ERICH3: variants seen among roughly 807,000 people sequenced by gnomAD.
ERICH3 encodes the protein glutamate rich 3.
ERICH3 carries 126 observed loss-of-function variants against 131.1 expected under a neutral mutation model. That is an observed-to-expected ratio of 0.96 (90% CI 0.83 to 1.11). The LOEUF (loss-of-function observed/expected upper bound fraction) is 1.11. Ranked by LOEUF, ERICH3 falls within the 50% of genes most tolerant of loss-of-function variation. The pLI, the probability that ERICH3 is intolerant of heterozygous loss-of-function variation, is 0.00. For synonymous variants in ERICH3, 695 were observed against 644.6 expected, an observed-to-expected ratio of 1.08 and a Z score of -1.18; for missense variants, 2,050 against 1,810.7, an observed-to-expected ratio of 1.13 and a Z score of -2.40.
chr1:74,597,212 T>C (rs1647892588), intron 11 of ERICH3, among the ~76,000 whole-genome samples: 1 of 151,998 alleles, frequency 6.6e-6, no homozygotes, highest in African/African-American at 2.4e-5. Flanking sequence ...AAATCTCTAA[T>C]GCTGACACTC....
chr1:74,658,102 G>A (rs1430393796), intron 1 of ERICH3, among the ~76,000 whole-genome samples: 1 of 152,138 alleles, frequency 6.6e-6, no homozygotes, highest in Non-Finnish European at 1.5e-5. Context: ...GTTAACAGAT[G>A]TAGAGTGGTT....
chr1:74,576,434 C>T (rs1039907690), intron 13 of ERICH3, among the ~76,000 whole-genome samples: 9 of 152,080 alleles, frequency 5.9e-5, no homozygotes, highest in East Asian at 5.8e-4. Context: ...TAAGTCAGCC[C>T]GCTGCACAAT....
intron 1 of ERICH3, among the ~76,000 whole-genome samples, chr1:74,670,956 C>T (rs772151530): frequency 6.4e-4 from 98 of 152,196 alleles, no homozygotes; most frequent in African/African-American, 2.1e-3. Context: ...CTGTCTTATG[C>T]GGTTGAGATA....
chr1:74,663,358 A>T (rs894225098), intron 1 of ERICH3, among the ~76,000 whole-genome samples: 1 of 152,186 alleles, frequency 6.6e-6, no homozygotes, highest in African/African-American at 2.4e-5. Context: ...CTATCTGGCA[A>T]ATATGACAAT....
At chr1:74,598,698 T>C (rs1478691153) in intron 11 of ERICH3, among the ~76,000 whole-genome samples, 1 of 151,770 alleles carries the variant, frequency 6.6e-6, no homozygotes, top group Admixed American at 6.6e-5. Flanking sequence ...TAATAAAAAC[T>C]AAAACAAGAA....
chr1:74,631,977 C>T, intron 6 of ERICH3, 49 bp from the exon 7 acceptor site: 3 of 1,510,264 alleles, frequency 2.0e-6, no homozygotes, highest in Non-Finnish European at 2.7e-6. Flanking sequence ...GAATCAGTGA[C>T]TCAATGTAAC....
intron 10 of ERICH3, among the ~76,000 whole-genome samples, chr1:74,604,606 A>G (rs1417703949): frequency 1.3e-5 from 2 of 151,956 alleles, no homozygotes; most frequent in African/African-American, 2.4e-5. Context: ...AGCAGGCGTG[A>G]AAACAACATT....
chr1:74,588,182 C>T lies in ERICH3; in HGVS notation c.2176+1449G>A, dbSNP rs12093531. The stretch of plus-strand genomic sequence containing the variant: ...AACACCTTTATCCTCCTGTATCCCA[C>T]CTTCAAAATTGTATTTAACCTTTAA... On this transcript the variant is annotated intron_variant, in intron 12 of 14. Coordinates refer to ENST00000326665, the MANE Select transcript of ERICH3 (RefSeq NM_001002912.5). Among the ~76,000 whole-genome samples, 696 of 152,300 alleles carry T rather than the reference C, an allele frequency of 4.6e-3. 1 individual carries two copies. The highest frequency in any genetic ancestry group is 0.016 in the African/African-American group (655 of 41,578).
chr1:74,666,017 T>C (rs1646688738), intron 1 of ERICH3, among the ~76,000 whole-genome samples: 1 of 152,170 alleles, frequency 6.6e-6, no homozygotes, highest in South Asian at 2.1e-4. Flanking sequence ...TGATTCTGAA[T>C]TATCTGTGCT....
At chr1:74,632,372 T>C (rs1044537263) in intron 6 of ERICH3, among the ~76,000 whole-genome samples, 2 of 152,034 alleles carry the variant, frequency 1.3e-5, no homozygotes, top group African/African-American at 4.8e-5. Flanking sequence ...TGGCATGTAC[T>C]GTTTAGCATA....
At chr1:74,668,453 A>G (rs1646711652) in intron 1 of ERICH3, among the ~76,000 whole-genome samples, 1 of 152,224 alleles carries the variant, frequency 6.6e-6, no homozygotes, top group Non-Finnish European at 1.5e-5. Context: ...ATTGCAAGTC[A>G]AACACTGTAG....
At chr1:74,571,000 G>A in intron 14 of ERICH3, 99 bp downstream of exon 14, 1 of 1,416,760 alleles carries the variant, frequency 7.1e-7, no homozygotes, top group Non-Finnish European at 9.5e-7. Flanking sequence ...GTGTTTATAT[G>A]TGCACAGACA....
Position 74,572,486 on chromosome 1 carries a change from G to T in ERICH3, c.3224C>A (p.Ser1075Tyr). 6.2e-7 allele frequency: 1 copy of T among 1,614,038 alleles called. No homozygotes were observed. The highest frequency in any genetic ancestry group is 8.5e-7 in the Non-Finnish European group (1 of 1,179,998). Reference protein sequence around the residue: ...RPKTSLRKTDSEREEVTRANA... With the variant: ...RPKTSLRKTDYEREEVTRANA... ...TGCCCTTGTCACCTCTTCTCTCTCAGAGTCAGTTTTCCTCAGAGATGTTTT... is the reference window on the plus strand; with the variant it reads ...TGCCCTTGTCACCTCTTCTCTCTCATAGTCAGTTTTCCTCAGAGATGTTTT... Residue 1075 changes from serine to tyrosine, a missense_variant, in exon 14 of 15, where the codon TCT becomes TAT. Transcript: ENST00000326665.
At chr1:74,603,572 G>T (rs1648245292) in intron 10 of ERICH3, among the ~76,000 whole-genome samples, 1 of 151,810 alleles carries the variant, frequency 6.6e-6, no homozygotes. Context: ...ACCTAGATCT[G>T]TGAATGTATA....
Position 74,631,817 on chromosome 1 carries a change from G to T in ERICH3, c.715C>A (p.Pro239Thr), listed in dbSNP as rs2100623758. Residue 239 changes from proline to threonine, a missense_variant, in exon 7 of 15, where the codon CCC becomes ACC. Pro to Thr is a conservative substitution (Grantham distance 38). Coordinates refer to ENST00000326665, the MANE Select transcript of ERICH3 (RefSeq NM_001002912.5). ...SYMMPIPPPL[P>T]PTGKITRENR... ...TCTCTTGTGATTTTCCCAGTTGGGGGAAGTGGAGGAGGAATAGGCATCATG... is the reference window on the plus strand; with the variant it reads ...TCTCTTGTGATTTTCCCAGTTGGGGTAAGTGGAGGAGGAATAGGCATCATG... The T allele has an allele frequency of 6.2e-7, 1 of 1,613,448 alleles. No homozygotes were observed. Among genetic ancestry groups the T allele is most frequent in the Non-Finnish European group, 8.5e-7 (1 of 1,179,520 alleles).
chr1:74,591,464 G>A (rs1258397158), intron 11 of ERICH3, among the ~76,000 whole-genome samples: 1 of 152,140 alleles, frequency 6.6e-6, no homozygotes, highest in Non-Finnish European at 1.5e-5. Context: ...AAACTCTCTG[G>A]CATTTCCAGG....
At chr1:74,649,391 C>T in intron 1 of ERICH3, 76 bp from the exon 2 acceptor site, 1 of 1,086,770 alleles carries the variant, frequency 9.2e-7, no homozygotes, top group Non-Finnish European at 1.4e-6. Context: ...TACTGTTTCC[C>T]CAAATAGTGC....
At chr1:74,672,090 C>A (rs1646748116) in intron 1 of ERICH3, among the ~76,000 whole-genome samples, 1 of 152,186 alleles carries the variant, frequency 6.6e-6, no homozygotes, top group Non-Finnish European at 1.5e-5. Context: ...TAATCAATAG[C>A]TACATTTTTC....
At chr1:74,574,914 T>G (rs1647023308) in intron 13 of ERICH3, among the ~76,000 whole-genome samples, 1 of 152,140 alleles carries the variant, frequency 6.6e-6, no homozygotes, top group Admixed American at 6.5e-5. Context: ...CAATTTAATC[T>G]TTTTTATTAA....
Sources: gnomAD v4.1 joint callset for allele counts (sites outside exome capture counted in the v4.1 genomes callset) on GRCh38, gnomAD v4.1.1 for gene constraint, MANE v1.5 for transcripts, NCBI Gene and HGNC (gene_info 2026-07-23, HGNC 2026-07-21) for gene names.